Variants in ATP11A observed in about 807,000 individuals in gnomAD.
The protein encoded by ATP11A is phospholipid-transporting ATPase IH.
Under a neutral mutation model 154.4 loss-of-function variants are expected in ATP11A, and 81 were observed. That is an observed-to-expected ratio of 0.52 (90% CI 0.44 to 0.63). The LOEUF is 0.63. Ranked by LOEUF, ATP11A falls within the 30% of genes least tolerant of loss-of-function variation. ATP11A has a pLI of 0.00. For missense variants in ATP11A, 1,316 were observed against 1,474.3 expected (o/e 0.89, Z 1.76); for synonymous variants, 623 against 585.9 (o/e 1.06, Z -0.91).
intron 1 of ATP11A, among the ~76,000 whole-genome samples, chr13:112,724,015 A>G (rs1889516924): frequency 1.3e-5 from 2 of 151,852 alleles, no homozygotes; most frequent in African/African-American, 4.8e-5. Flanking sequence ...TTAAATAAAG[A>G]AGATGAGCAT....
At position 112,882,758 on chromosome 13, in the gene ATP11A, T is replaced by C; in HGVS notation, c.*892T>C. On this transcript the variant is annotated 3_prime_UTR_variant, in exon 30 of 30. Coordinates refer to ENST00000375645, the MANE Select transcript of ATP11A (RefSeq NM_015205.3). This position sits in a 1 kb window ranked among gnomAD's most constrained non-coding sequence, Gnocchi z 5.1. ...ACTCGCCAGGGCACGGAGCCGTCAG[T>C]CCACTGTTACGGGAGAATGTTGATT... 2 of 399,810 alleles carry C rather than the reference T, an allele frequency of 5.0e-6. No homozygotes were observed. The highest frequency in any genetic ancestry group is 8.8e-6 in the Non-Finnish European group (2 of 227,058). 24.8% of individuals were successfully genotyped at this position (399,810 alleles called of 1,614,324 possible). A position where few individuals can be genotyped will look rare whatever the true frequency, so the allele number is the denominator to read the frequency against.
intron 25 of ATP11A, among the ~76,000 whole-genome samples, chr13:112,863,760 C>G (rs2080213392): frequency 1.1e-5 from 1 of 89,018 alleles, no homozygotes; most frequent in Non-Finnish European, 2.4e-5. Flanking sequence ...GCCCATGCAG[C>G]TTCTCAGCAG....
Position 112,831,502 on chromosome 13 carries a change from C to T in ATP11A, c.1349C>T (p.Ser450Leu), listed in dbSNP as rs149937585. 817 of 1,614,186 alleles carry T rather than the reference C, an allele frequency of 5.1e-4. No homozygotes were observed. The highest frequency in any genetic ancestry group is 6.2e-4 in the Non-Finnish European group (727 of 1,180,026). ...TGCAACGGGCAGGTCCTCCCAGAGT[C>T]GTCAGGAATCGACATGATTGACTCG... is the stretch of plus-strand genomic sequence containing the variant. Reference protein sequence around the residue: ...VICNGQVLPESSGIDMIDSSP... With the variant: ...VICNGQVLPELSGIDMIDSSP... The change falls in exon 13 of 30, where the codon TCG becomes TTG. Residue 450 changes from serine (S) to leucine (L), a missense_variant. Around this residue, in one of 5 missense-constraint regions of ATP11A, gnomAD observed 876 missense variants for 1,006.8 expected, o/e 0.87. Coordinates refer to ENST00000375645, the MANE Select transcript of ATP11A (RefSeq NM_015205.3).
In ATP11A at chr13:112,860,407, C is replaced by G. The variant is rs760964455; in HGVS notation, c.2848C>G (p.Leu950Val). 4 of 1,614,140 alleles carry G rather than the reference C, an allele frequency of 2.5e-6. No homozygotes were observed. In the East Asian group the frequency reaches 6.7e-5, roughly 27 times the overall value. The change falls in exon 24 of 30, where the codon CTG becomes GTG. Residue 950 changes from leucine (L) to valine (V), a missense_variant. By Grantham distance (32) the Leu-to-Val change is conservative (BLOSUM62 1). Coordinates refer to ENST00000375645, the MANE Select transcript of ATP11A (RefSeq NM_015205.3). ...TGACGTGCTCAAGAGAGACCCGACC[C>G]TGTACAGGTACCATCCTCCAAACAG... ...GIDVLKRDPT[L>V]YRDVAKNALL...
intron 25 of ATP11A, among the ~76,000 whole-genome samples, chr13:112,870,801 A>C (rs1019351106): frequency 4.6e-5 from 7 of 152,264 alleles, no homozygotes; most frequent in Admixed American, 1.3e-4. Flanking sequence ...TCCCGAAACA[A>C]GTTTCCAGTC....
intron 2 of ATP11A, among the ~76,000 whole-genome samples, chr13:112,798,419 C>A (rs1566496889): frequency 6.6e-6 from 1 of 152,208 alleles, no homozygotes; most frequent in African/African-American, 2.4e-5. Context: ...GGGCACAGCA[C>A]CCAGCTTGCT....
chr13:112,871,453 A>G (rs1594239763), intron 25 of ATP11A, among the ~76,000 whole-genome samples: 1 of 152,198 alleles, frequency 6.6e-6, no homozygotes, highest in Admixed American at 6.5e-5. Flanking sequence ...GGCCAGCGTC[A>G]GGAGCGGGCA....
intron 5 of ATP11A, among the ~76,000 whole-genome samples, 174 bp from the exon 6 acceptor site, chr13:112,815,909 G>T (rs978666745): frequency 2.0e-5 from 3 of 152,140 alleles, no homozygotes; most frequent in Non-Finnish European, 2.9e-5. Flanking sequence ...AACCTGACCT[G>T]GTCTTTCCTT....
chr13:112,861,112 G>A (rs1006894420), intron 24 of ATP11A, among the ~76,000 whole-genome samples: 6 of 152,094 alleles, frequency 3.9e-5, no homozygotes, highest in Non-Finnish European at 7.3e-5. Context: ...GCGTGTGCAG[G>A]AGAACTTTCC....
chr13:112,792,896 GACTATACTGTCCCT>G (rs1227146029), intron 2 of ATP11A, among the ~76,000 whole-genome samples: 1 of 152,216 alleles, frequency 6.6e-6, no homozygotes, highest in Non-Finnish European at 1.5e-5. Context: ...TGTTGGCTTA[GACTATACTGTCCCT>G]CCATGCCTTC....
chr13:112,863,173 C>CA, intron 25 of ATP11A, among the ~76,000 whole-genome samples: 1 of 150,608 alleles, frequency 6.6e-6, no homozygotes, highest in Non-Finnish European at 1.5e-5. Flanking sequence ...AGCTTCCCAG[C>CA]GGGGTCCATC....
At position 112,721,353 on chromosome 13, in the gene ATP11A, A is replaced by C. The variant is rs540404491; in HGVS notation, c.39+30898A>C. On this transcript the variant is annotated intron_variant, in intron 1 of 29. Transcript: ENST00000375645. The stretch of plus-strand genomic sequence containing the variant: ...ATGTTACGGGAAAGAAGCAGGAAGG[A>C]AGGCTGAAAAGAGAAAACGTACCTT... 5.3e-5 allele frequency among the ~76,000 whole-genome samples: 8 copies of C among 152,296 alleles called. No homozygotes were observed. The South Asian group carries it at 1.7e-3, about 32-fold the overall frequency.
intron 16 of ATP11A, among the ~76,000 whole-genome samples, chr13:112,840,395 C>T (rs1198356150): frequency 1.2e-4 from 13 of 108,564 alleles, no homozygotes; most frequent in East Asian, 5.8e-4. Flanking sequence ...CTCTCATCCC[C>T]CCTGCCTCAG....
intron 2 of ATP11A, among the ~76,000 whole-genome samples, chr13:112,790,254 C>T (rs892902905): frequency 9.3e-5 from 14 of 150,334 alleles, no homozygotes; most frequent in South Asian, 4.3e-4. Context: ...AATTCACACC[C>T]GGCATCTTGA....
At chr13:112,837,021 C>T (rs1256776834) in intron 16 of ATP11A, among the ~76,000 whole-genome samples, 2 of 152,264 alleles carry the variant, frequency 1.3e-5, no homozygotes, top group Admixed American at 1.3e-4. Flanking sequence ...GGTCACGACA[C>T]ATGCCACAGG....
intron 2 of ATP11A, among the ~76,000 whole-genome samples, chr13:112,803,518 C>T (rs1014488545): frequency 5.3e-5 from 8 of 152,270 alleles, no homozygotes; most frequent in East Asian, 3.9e-4. Flanking sequence ...TTCATTACGG[C>T]GTAAAAACAT....
rs17121602 is a variant in ATP11A, at chr13:112,754,239, G to A, written c.40-30896G>A. Among the ~76,000 whole-genome samples, 7,281 of 152,286 alleles carry A rather than the reference G, an allele frequency of 0.048. 260 individuals carry two copies. Among genetic ancestry groups the A allele is most frequent in the Admixed American group, 0.079 (1,214 of 15,302 alleles). ...GAGAAGGCCGTGGAATAACAGGGCC[G>A]GGTTCTCACTGGCGGGACTGTTCAC... On this transcript the variant is annotated intron_variant, in intron 1 of 29. Coordinates refer to ENST00000375645, the MANE Select transcript of ATP11A (RefSeq NM_015205.3). This position sits in a 1 kb window ranked among gnomAD's most constrained non-coding sequence, Gnocchi z 5.3.
At chr13:112,692,603 A>G (rs1195957833) in intron 1 of ATP11A, among the ~76,000 whole-genome samples, 4 of 152,106 alleles carry the variant, frequency 2.6e-5, no homozygotes, top group Non-Finnish European at 4.4e-5. Context: ...TCTTTAGTGA[A>G]CTTTTCCAGC....
At position 112,798,044 on chromosome 13, in the gene ATP11A, G is replaced by A. The variant is rs117453695; in HGVS notation, c.163-6913G>A. Among the ~76,000 whole-genome samples, 1,315 of 152,278 alleles carry A rather than the reference G, an allele frequency of 8.6e-3. 18 individuals carry two copies. The highest frequency in any genetic ancestry group is 0.016 in the Non-Finnish European group (1,075 of 68,020). Reference sequence around the variant, plus strand: ...CACTGCATCCTCTGGAGTGGGGGAAGGCTGTGTCCTTATGTGGCAGAAGGC... The same window carrying A: ...CACTGCATCCTCTGGAGTGGGGGAAAGCTGTGTCCTTATGTGGCAGAAGGC... On this transcript the variant is annotated intron_variant, in intron 2 of 29. Transcript: ENST00000375645.
Sources: gnomAD v4.1 joint callset for allele counts (sites outside exome capture counted in the v4.1 genomes callset) on GRCh38, gnomAD v4.1.1 for gene constraint, gnomAD v4.1.1 regional missense constraint, Gnocchi (gnomAD v3.1) non-coding constraint, MANE v1.5 for transcripts, NCBI Gene and HGNC (gene_info 2026-07-23, HGNC 2026-07-21) for gene names.